DLGAP1: variants seen among roughly 807,000 people sequenced by gnomAD.
DLGAP1 encodes the protein disks large-associated protein 1.
Under a neutral mutation model 90.8 loss-of-function variants are expected in DLGAP1, and 11 were observed. That is an observed-to-expected ratio of 0.12 (90% CI 0.08 to 0.20). The LOEUF (loss-of-function observed/expected upper bound fraction) is 0.20. Ranked by LOEUF, DLGAP1 falls within the 10% of genes least tolerant of loss-of-function variation. DLGAP1 has a pLI of 1.00. For synonymous variants in DLGAP1, 558 were observed against 540.7 expected (o/e 1.03, Z -0.44); for missense variants, 1,050 against 1,333.8 (o/e 0.79, Z 3.31).
rs550913745 is a variant in DLGAP1 at position 3,602,350 on chromosome 18, A to C, written c.1592-20102T>G. Among the ~76,000 whole-genome samples the C allele has an allele frequency of 2.0e-4, 31 of 152,082 alleles. 1 individual carries two copies. The East Asian group carries it at 3.3e-3, about 16-fold the overall frequency. On this transcript the variant is annotated intron_variant, in intron 7 of 12. Coordinates refer to ENST00000315677, the MANE Select transcript of DLGAP1 (RefSeq NM_004746.4). ...GTGGCTCACGCCTGTCATCCCAGCA[A>C]TTTGGGAGGCCGAGGCGGGCGGATC...
chr18:4,067,144 A>G (rs1185909839), intron 2 of DLGAP1, among the ~76,000 whole-genome samples: 1 of 151,994 alleles, frequency 6.6e-6, no homozygotes, highest in East Asian at 1.9e-4. Flanking sequence ...ATGGACACAT[A>G]GTGGGGAACA....
intron 3 of DLGAP1, among the ~76,000 whole-genome samples, chr18:3,906,399 A>G (rs971404734): frequency 6.6e-6 from 1 of 152,142 alleles, no homozygotes; most frequent in Non-Finnish European, 1.5e-5. Flanking sequence ...AAGTCCTTTC[A>G]CAAAATTCCA....
chr18:4,273,937 ATTTT>A (rs553513492), intron 1 of DLGAP1, among the ~76,000 whole-genome samples: 4 of 151,532 alleles, frequency 2.6e-5, no homozygotes, highest in Non-Finnish European at 5.9e-5. Flanking sequence ...AGGCTTGTCA[ATTTT>A]TTTTATCTTT....
intron 3 of DLGAP1, among the ~76,000 whole-genome samples, chr18:3,924,293 T>C (rs764549959): frequency 1.2e-4 from 19 of 152,192 alleles, no homozygotes; most frequent in Admixed American, 3.3e-4. Flanking sequence ...TGGGGAAATA[T>C]AAAAAGCTTT....
At chr18:3,675,418 A>G (rs936208925) in intron 7 of DLGAP1, among the ~76,000 whole-genome samples, 1 of 152,204 alleles carries the variant, frequency 6.6e-6, no homozygotes, top group African/African-American at 2.4e-5. Flanking sequence ...CATCTCTACA[A>G]CACGATTAAA....
At chr18:3,638,184 T>C (rs2058792520) in intron 7 of DLGAP1, among the ~76,000 whole-genome samples, 1 of 151,580 alleles carries the variant, frequency 6.6e-6, no homozygotes, top group African/African-American at 2.4e-5. Flanking sequence ...CCTGACCTCA[T>C]GATCCGCCCA....
chr18:3,988,709 C>T (rs1391793093), intron 3 of DLGAP1, among the ~76,000 whole-genome samples: 5 of 152,132 alleles, frequency 3.3e-5, no homozygotes, highest in Admixed American at 2.0e-4. Context: ...TAACAGGCCA[C>T]GGACCCGTAC....
At chr18:4,440,136 A>G (rs2144819540) in intron 1 of DLGAP1, among the ~76,000 whole-genome samples, 1 of 151,430 alleles carries the variant, frequency 6.6e-6, no homozygotes, top group East Asian at 1.9e-4. Flanking sequence ...AAAAAAAAAA[A>G]AAAAAAAATA....
chr18:3,699,896 A>T (rs576520430), intron 7 of DLGAP1, among the ~76,000 whole-genome samples: 5 of 152,252 alleles, frequency 3.3e-5, no homozygotes, highest in South Asian at 2.1e-4. Context: ...CTGCGGTTCA[A>T]ACTTCCCCAT....
chr18:3,610,135 C>T (rs188038274), intron 7 of DLGAP1, among the ~76,000 whole-genome samples: 3 of 152,016 alleles, frequency 2.0e-5, no homozygotes, highest in African/African-American at 2.4e-5. Flanking sequence ...TCCTCTCCTT[C>T]GAGAGGGCTT....
intron 3 of DLGAP1, among the ~76,000 whole-genome samples, chr18:3,991,925 T>C (rs1013914405): frequency 2.6e-5 from 4 of 152,226 alleles, no homozygotes; most frequent in East Asian, 1.9e-4. Flanking sequence ...TTCTTTGTGA[T>C]ATTTTGAAAA....
At chr18:3,583,184 A>ACCTTCCTTCCTTCCTTCCTTCCTT (rs1194711711) in intron 7 of DLGAP1, among the ~76,000 whole-genome samples, 3 of 127,830 alleles carry the variant, frequency 2.3e-5, no homozygotes, top group Admixed American at 8.2e-5. Flanking sequence ...CTACCTACCT[A>ACCTTCCTTCCTTCCTTCCTTCCTT]CCTTCCTTCC....
Position 3,992,007 on chromosome 18 carries a change from G to A in DLGAP1, c.-73+13109C>T, listed in dbSNP as rs147303043. Among the ~76,000 whole-genome samples the A allele has an allele frequency of 3.4e-3, 525 of 152,232 alleles. 5 individuals carry two copies. The highest frequency in any genetic ancestry group is 0.012 in the African/African-American group (499 of 41,550). On this transcript the variant is annotated intron_variant, in intron 3 of 12. Coordinates refer to ENST00000315677, the MANE Select transcript of DLGAP1 (RefSeq NM_004746.4). ...TCATAAAGTACTTCTCTCCCCTGAT[G>A]GCTAACCCAATCACATAGTTCCACA...
chr18:4,047,341 G>GAAGGATATTGT (rs1158261784), intron 2 of DLGAP1, among the ~76,000 whole-genome samples: 2 of 152,170 alleles, frequency 1.3e-5, no homozygotes, highest in Non-Finnish European at 1.5e-5. Flanking sequence ...ATATTTTTTG[G>GAAGGATATTGT]AAGGATATTG....
intron 4 of DLGAP1, among the ~76,000 whole-genome samples, chr18:3,815,654 G>A (rs1340626272): frequency 1.3e-5 from 2 of 151,948 alleles, no homozygotes; most frequent in Non-Finnish European, 2.9e-5. Flanking sequence ...ACTGCACTAC[G>A]TTTTAGAAGC....
At chr18:3,677,733 A>T (rs2060359000) in intron 7 of DLGAP1, among the ~76,000 whole-genome samples, 1 of 152,076 alleles carries the variant, frequency 6.6e-6, no homozygotes. Flanking sequence ...ATCTTGGCTC[A>T]CTGCAACCTC....
intron 7 of DLGAP1, among the ~76,000 whole-genome samples, chr18:3,610,318 A>C (rs1364620894): frequency 6.6e-6 from 1 of 152,150 alleles, no homozygotes; most frequent in Non-Finnish European, 1.5e-5. Context: ...GCTTTTTCTG[A>C]GGCCCTCCGC....
intron 1 of DLGAP1, among the ~76,000 whole-genome samples, chr18:4,436,171 TTTC>T (rs1291114119): frequency 6.6e-6 from 1 of 152,196 alleles, no homozygotes; most frequent in Non-Finnish European, 1.5e-5. Flanking sequence ...CTGGTAATGA[TTTC>T]TTGCTTTAGG....
rs1164075059 is a variant in DLGAP1, at chr18:4,212,576, G to A, written c.-266-61289C>T. On this transcript the variant is annotated intron_variant, in intron 1 of 12. Coordinates refer to ENST00000315677, the MANE Select transcript of DLGAP1 (RefSeq NM_004746.4). ...AATCCCAGCTACTTGGGAGGCTGAG[G>A]CAGGAGACTGCACTGCTGCACTCCA... is the stretch of plus-strand genomic sequence containing the variant. Among the ~76,000 whole-genome samples, 4 of 146,298 alleles carry A rather than the reference G, an allele frequency of 2.7e-5. No homozygotes were observed. In the East Asian group the frequency reaches 6.1e-4, roughly 22 times the overall value.
Sources: gnomAD v4.1 joint callset for allele counts (sites outside exome capture counted in the v4.1 genomes callset) on GRCh38, gnomAD v4.1.1 for gene constraint, MANE v1.5 for transcripts, NCBI Gene and HGNC (gene_info 2026-07-23, HGNC 2026-07-21) for gene names.